The following RBFOX1 variants were observed in gnomAD, a reference collection of about 807,000 sequenced individuals.
RBFOX1 encodes RNA binding protein fox-1 homolog 1.
A neutral mutation model predicts 57.7 loss-of-function variants in RBFOX1; 8 were observed. The observed-to-expected ratio is 0.14, with a 90% CI of 0.08 to 0.25. The LOEUF (loss-of-function observed/expected upper bound fraction) is 0.25. Among genes scored for constraint, RBFOX1 ranks in the 10% least tolerant of loss-of-function variants. The pLI is 1.00. For missense variants in RBFOX1, 611 were observed against 548.5 expected (o/e 1.11, Z -1.14); for synonymous variants, 326 against 222.4 (o/e 1.47, Z -4.15).
At chr16:7,224,606 G>A (rs2092972198) in intron 4 of RBFOX1, among the ~76,000 whole-genome samples, 1 of 152,118 alleles carries the variant, frequency 6.6e-6, no homozygotes, top group African/African-American at 2.4e-5. Context: ...CGTGTAGTGG[G>A]GTGGGTTAGG....
intron 4 of RBFOX1, among the ~76,000 whole-genome samples, chr16:7,372,163 A>T (rs192787780): frequency 6.6e-6 from 1 of 152,236 alleles, no homozygotes; most frequent in East Asian, 1.9e-4. Context: ...CTTACCTCCT[A>T]CTATATATAA....
At chr16:6,919,127 C>T (rs1020160194) in intron 3 of RBFOX1, among the ~76,000 whole-genome samples, 1 of 152,008 alleles carries the variant, frequency 6.6e-6, no homozygotes, top group Non-Finnish European at 1.5e-5. Flanking sequence ...TTACAGGCAC[C>T]TGCCATCGTG....
In RBFOX1 at chr16:7,173,615, A is replaced by T. The variant is rs571186422; in HGVS notation, c.27+121517A>T. 1.1e-4 allele frequency among the ~76,000 whole-genome samples: 16 copies of T among 152,314 alleles called. No homozygotes were observed. In the East Asian group the frequency reaches 3.1e-3, roughly 29 times the overall value. ...TACACTTCAACTGCAATATTCAGAA[A>T]CACCAGGGAAAGAGCAGTAAAGATA... On this transcript the variant is annotated intron_variant, in intron 4 of 15. Transcript: ENST00000550418.
At chr16:7,669,683 T>G (rs951702713) in intron 13 of RBFOX1, among the ~76,000 whole-genome samples, 1 of 152,204 alleles carries the variant, frequency 6.6e-6, no homozygotes, top group Non-Finnish European at 1.5e-5. Flanking sequence ...CTGCCACCCA[T>G]ATGTTTTAAA....
At chr16:5,243,988 C>T (rs2062233005) in intron 1 of RBFOX1, among the ~76,000 whole-genome samples, 1 of 152,092 alleles carries the variant, frequency 6.6e-6, no homozygotes, top group Admixed American at 6.5e-5. Context: ...CCTCCACCTC[C>T]TGGGCTCAAG....
chr16:7,235,975 C>T (rs1303128222), intron 4 of RBFOX1, among the ~76,000 whole-genome samples: 1 of 152,272 alleles, frequency 6.6e-6, no homozygotes, highest in Non-Finnish European at 1.5e-5. Context: ...CATTTTCTGG[C>T]TTGCACCATT....
At chr16:7,653,728 A>G in intron 11 of RBFOX1, 87 bp from the exon 12 acceptor site, 1 of 1,572,776 alleles carries the variant, frequency 6.4e-7, no homozygotes. Flanking sequence ...CTGTGCAGGG[A>G]CAAGGGTTCC....
At chr16:5,832,679 T>C (rs908690833) in intron 3 of RBFOX1, among the ~76,000 whole-genome samples, 1 of 152,148 alleles carries the variant, frequency 6.6e-6, no homozygotes, top group Non-Finnish European at 1.5e-5. Context: ...ATTAGCCTAA[T>C]CCATAAAATG....
intron 4 of RBFOX1, among the ~76,000 whole-genome samples, chr16:7,437,259 C>CGT (rs377066561): frequency 2.6e-5 from 2 of 77,584 alleles, no homozygotes; most frequent in Admixed American, 2.7e-4. Context: ...TGCCCCCCCC[C>CGT]CCTTTCTGTT....
At chr16:5,577,623 C>T (rs898360215) in intron 2 of RBFOX1, among the ~76,000 whole-genome samples, 1 of 152,158 alleles carries the variant, frequency 6.6e-6, no homozygotes. Context: ...AATCTTGAGG[C>T]CAGGTGTGGT....
intron 2 of RBFOX1, among the ~76,000 whole-genome samples, chr16:6,643,855 C>T (rs771285317): frequency 6.6e-6 from 1 of 151,970 alleles, no homozygotes. Flanking sequence ...GCTGAGCACG[C>T]TGGGTCATGC....
intron 3 of RBFOX1, among the ~76,000 whole-genome samples, chr16:6,883,870 T>G (rs1303492801): frequency 6.6e-6 from 1 of 152,042 alleles, no homozygotes; most frequent in Non-Finnish European, 1.5e-5. Flanking sequence ...AGCCAAAATG[T>G]TAAATGTTTT....
chr16:5,567,990 A>G (rs2046133594), intron 2 of RBFOX1, among the ~76,000 whole-genome samples: 1 of 152,152 alleles, frequency 6.6e-6, no homozygotes, highest in Admixed American at 6.5e-5. Flanking sequence ...TCTGAATTCC[A>G]CCATGAAAAC....
chr16:6,698,807 T>G (rs7197991), intron 3 of RBFOX1, among the ~76,000 whole-genome samples: 25,113 of 152,234 alleles, frequency 0.16, 2,221 homozygotes, highest in Middle Eastern at 0.22. Context: ...GTGAGAAATG[T>G]GAATCCCTTA....
At chr16:6,221,385 A>G (rs758050665) in intron 1 of RBFOX1, among the ~76,000 whole-genome samples, 1 of 152,186 alleles carries the variant, frequency 6.6e-6, no homozygotes, top group Non-Finnish European at 1.5e-5. Flanking sequence ...TCTTCCTAAT[A>G]GAGGCCTGCC....
intron 3 of RBFOX1, among the ~76,000 whole-genome samples, chr16:5,725,457 C>G (rs2052110290): frequency 6.6e-6 from 1 of 151,700 alleles, no homozygotes; most frequent in East Asian, 1.9e-4. Flanking sequence ...GAGATGAGGT[C>G]TTTCTTTGTT....
At chr16:5,728,786 A>C (rs2052249699) in intron 3 of RBFOX1, among the ~76,000 whole-genome samples, 1 of 152,108 alleles carries the variant, frequency 6.6e-6, no homozygotes, top group African/African-American at 2.4e-5. Flanking sequence ...GCTACTCGCC[A>C]CTGTGTTCTG....
At chr16:5,985,763 T>C (rs1013917141) in intron 4 of RBFOX1, among the ~76,000 whole-genome samples, 10 of 152,144 alleles carry the variant, frequency 6.6e-5, no homozygotes, top group African/African-American at 2.4e-4. Flanking sequence ...ATCCAGTGTG[T>C]CCTCAGTGAC....
intron 2 of RBFOX1, among the ~76,000 whole-genome samples, chr16:6,435,476 T>C (rs1786109815): frequency 6.6e-6 from 1 of 152,046 alleles, no homozygotes; most frequent in Non-Finnish European, 1.5e-5. Context: ...TTTTTGTATT[T>C]CTTTTTCATT....
Sources: gnomAD v4.1 joint callset for allele counts (sites outside exome capture counted in the v4.1 genomes callset) on GRCh38, gnomAD v4.1.1 for gene constraint, MANE v1.5 for transcripts, NCBI Gene and HGNC (gene_info 2026-07-23, HGNC 2026-07-21) for gene names.